The following SLC2A11 variants were observed in gnomAD, a reference collection of about 807,000 sequenced individuals.
SLC2A11 encodes the protein solute carrier family 2, facilitated glucose transporter member 11.
SLC2A11 carries 43 observed loss-of-function variants against 52.1 expected under a neutral mutation model. The observed-to-expected ratio is 0.82, with a 90% CI of 0.65 to 1.06. SLC2A11 has a LOEUF of 1.06. SLC2A11 is among the 50% of genes least tolerant of loss of function. The pLI is 0.00. For missense variants in SLC2A11, 582 were observed against 654.2 expected, an observed-to-expected ratio of 0.89 and a Z score of 1.20; for synonymous variants, 261 against 277.6, an observed-to-expected ratio of 0.94 and a Z score of 0.59.
chr22:23,861,777 T>C (rs2032076742), intron 1 of SLC2A11, among the ~76,000 whole-genome samples: 1 of 152,204 alleles, frequency 6.6e-6, no homozygotes, highest in East Asian at 1.9e-4. Flanking sequence ...CTCAGGGGAC[T>C]GTCTTCCCCA....
chr22:23,882,306 G>A, intron 6 of SLC2A11, 153 bp from the exon 7 acceptor site: 1 of 664,954 alleles, frequency 1.5e-6, no homozygotes, highest in Non-Finnish European at 2.5e-6. Context: ...AGAGACAGAG[G>A]CAGAGAGAGA....
chr22:23,877,570 G>A (rs1214539477), intron 5 of SLC2A11, 151 bp from the exon 6 acceptor site: 2 of 1,048,172 alleles, frequency 1.9e-6, no homozygotes, highest in African/African-American at 3.2e-5. Flanking sequence ...CTGGGTGGGA[G>A]GGATCTTGAT....
intron 3 of SLC2A11, chr22:23,870,675 ATTTTATT>A (rs147987004): frequency 0.18 from 27,145 of 150,750 alleles, 2,553 homozygotes; most frequent in African/African-American, 0.23. Flanking sequence ...GGCTAATTTT[ATTTTATT>A]TTTTATTTTT....
Position 23,884,512 on chromosome 22 carries a change from A to C in SLC2A11, c.1299+83A>C. 1 of 1,562,774 alleles carries C rather than the reference A, an allele frequency of 6.4e-7. No homozygotes were observed. The highest frequency in any genetic ancestry group is 8.7e-7 in the Non-Finnish European group (1 of 1,153,022). On this transcript the variant is annotated intron_variant, in intron 11 of 11. Transcript: ENST00000316185. This position sits in a 1 kb window ranked among gnomAD's most constrained non-coding sequence, Gnocchi z 4.3. ...GAACCCCAGGGGGAGGCTTCCATCC[A>C]GGGAGACTGAGACTGAAAGGGAGGG... is the stretch of plus-strand genomic sequence containing the variant.
At chr22:23,859,492 A>T (rs1183936703) in intron 1 of SLC2A11, among the ~76,000 whole-genome samples, 1 of 147,942 alleles carries the variant, frequency 6.8e-6, no homozygotes, top group African/African-American at 2.5e-5. Flanking sequence ...AACATTCAGC[A>T]TTTTTTTTTT....
upstream of SLC2A11, chr22:23,857,653 C>A: frequency 9.1e-7 from 1 of 1,097,880 alleles, no homozygotes; most frequent in Non-Finnish European, 1.3e-6. Context: ...TTCTTAAAAA[C>A]GCTGAGTCCG....
intron 3 of SLC2A11, chr22:23,869,989 C>T: frequency 1.4e-6 from 1 of 717,578 alleles, no homozygotes; most frequent in Non-Finnish European, 2.6e-6. Context: ...GTTCTCATGG[C>T]CTAATCAATC....
intron 3 of SLC2A11, chr22:23,870,775 C>T (rs2032427017): frequency 6.6e-6 from 1 of 152,106 alleles, no homozygotes; most frequent in Non-Finnish European, 1.5e-5. Flanking sequence ...TCACCGCAAC[C>T]TCCGCCTCCC....
chr22:23,857,107 A>T, upstream of SLC2A11: 1 of 1,267,644 alleles, frequency 7.9e-7, no homozygotes, highest in Non-Finnish European at 1.1e-6. Flanking sequence ...GCGTGCATAG[A>T]TGTGCACAAC....
chr22:23,863,576 G>A (rs76256130), intron 2 of SLC2A11, among the ~76,000 whole-genome samples: 1,627 of 149,962 alleles, frequency 0.011, 12 homozygotes, highest in Non-Finnish European at 0.016. Flanking sequence ...CAGAACTGTG[G>A]CTGTCCTGCC....
intron 6 of SLC2A11, chr22:23,882,155 GAGAC>G (rs1403913447): frequency 6.4e-6 from 3 of 466,472 alleles, no homozygotes; most frequent in Non-Finnish European, 1.1e-5. Context: ...CACAGACACA[GAGAC>G]AGAGAGATTG....
At chr22:23,858,506 T>C (rs1390609583) in intron 1 of SLC2A11, among the ~76,000 whole-genome samples, 1 of 152,240 alleles carries the variant, frequency 6.6e-6, no homozygotes, top group African/African-American at 2.4e-5. Flanking sequence ...CAATCTGGAC[T>C]GATTTCTTTA....
chr22:23,867,898 A>G (rs990739326), intron 2 of SLC2A11: 1 of 360,964 alleles, frequency 2.8e-6, no homozygotes. Context: ...AAACCAGTAA[A>G]TGTAAGTAAA....
Position 23,884,858 on chromosome 22 carries a change from G to T in SLC2A11, c.*9G>T. ...AGTCAACAGAACTCTAGTCCCAAAG[G>T]GGTGGCCAGAGCCAAAGCCAGCTAC... On this transcript the variant is annotated 3_prime_UTR_variant, in exon 12 of 12. Coordinates refer to ENST00000316185, the MANE Select transcript of SLC2A11 (RefSeq NM_001024939.4). This position sits in a 1 kb window ranked among gnomAD's most constrained non-coding sequence, Gnocchi z 4.3. 6.2e-7 allele frequency: 1 copy of T among 1,613,636 alleles called. No homozygotes were observed. Among genetic ancestry groups the T allele is most frequent in the Non-Finnish European group, 8.5e-7 (1 of 1,179,694 alleles).
upstream of SLC2A11, chr22:23,857,514 T>C: frequency 6.2e-7 from 1 of 1,613,666 alleles, no homozygotes; most frequent in Non-Finnish European, 8.5e-7. Flanking sequence ...GGAGCCGTCC[T>C]TACGGCCTCG....
At chr22:23,871,741 C>T (rs939802070) in intron 3 of SLC2A11, 2 of 123,878 alleles carry the variant, frequency 1.6e-5, no homozygotes, top group Admixed American at 8.2e-5. Context: ...GACTCTGTCT[C>T]AAAAAAAAAA....
intron 2 of SLC2A11, among the ~76,000 whole-genome samples, chr22:23,863,049 A>T (rs1055976537): frequency 2.0e-5 from 3 of 152,356 alleles, no homozygotes; most frequent in Admixed American, 1.3e-4. Flanking sequence ...CAAGCAGGGC[A>T]GGCAGACCTG....
At chr22:23,867,672 C>T (rs2032315506) in intron 2 of SLC2A11, 6 of 470,156 alleles carry the variant, frequency 1.3e-5, no homozygotes, top group East Asian at 6.9e-5. Flanking sequence ...GCCCCACTCA[C>T]GGAGCTCTAG....
intron 3 of SLC2A11, chr22:23,870,065 GAC>G (rs1181246150): frequency 5.6e-6 from 4 of 717,194 alleles, no homozygotes; most frequent in Middle Eastern, 2.3e-4. Flanking sequence ...TTTTGGAAGA[GAC>G]ACAAACCTTC....
Sources: gnomAD v4.1 joint callset for allele counts (sites outside exome capture counted in the v4.1 genomes callset) on GRCh38, gnomAD v4.1.1 for gene constraint, Gnocchi (gnomAD v3.1) non-coding constraint, MANE v1.5 for transcripts, NCBI Gene and HGNC (gene_info 2026-07-23, HGNC 2026-07-21) for gene names.